Variants in ROBO2 observed in about 807,000 individuals in gnomAD.
ROBO2 encodes roundabout guidance receptor 2.
Under a neutral mutation model 160.8 loss-of-function variants are expected in ROBO2, and 53 were observed. The observed-to-expected ratio is 0.33, with a 90% CI of 0.26 to 0.41. The LOEUF is 0.41. ROBO2 is among the 10% of genes least tolerant of loss of function. ROBO2 has a pLI of 1.00. For missense variants in ROBO2, 1,577 were observed against 1,722.4 expected (o/e 0.92, Z 1.49); for synonymous variants, 664 against 611.7 (o/e 1.09, Z -1.26).
intron 2 of ROBO2, among the ~76,000 whole-genome samples, chr3:77,301,761 T>C (rs541940003): frequency 2.6e-5 from 4 of 152,358 alleles, no homozygotes; most frequent in Admixed American, 2.6e-4. Context: ...TGTAACTCTT[T>C]TACTAAATTC....
intron 2 of ROBO2, among the ~76,000 whole-genome samples, chr3:76,530,397 A>G (rs1043588818): frequency 6.6e-6 from 1 of 152,172 alleles, no homozygotes; most frequent in Non-Finnish European, 1.5e-5. Flanking sequence ...GCAGACAGGC[A>G]GTAGCTCAAT....
At chr3:76,506,331 T>G (rs72900597) in intron 2 of ROBO2, among the ~76,000 whole-genome samples, 6,553 of 152,258 alleles carry the variant, frequency 0.043, 500 homozygotes, top group African/African-American at 0.15. Context: ...CAAGATTGCA[T>G]TTTGACCTCT....
intron 2 of ROBO2, among the ~76,000 whole-genome samples, chr3:76,277,818 A>G (rs1464454228): frequency 2.0e-5 from 3 of 151,936 alleles, no homozygotes; most frequent in Non-Finnish European, 2.9e-5. Flanking sequence ...GTAAAAGTTA[A>G]TACCAACTTT....
At chr3:76,910,314 T>C (rs2148924753) in intron 2 of ROBO2, among the ~76,000 whole-genome samples, 1 of 152,334 alleles carries the variant, frequency 6.6e-6, no homozygotes, top group East Asian at 1.9e-4. Flanking sequence ...ATGAGTCTGT[T>C]GATTTTGCTA....
chr3:76,309,593 A>G (rs1375946742), intron 2 of ROBO2, among the ~76,000 whole-genome samples: 2 of 152,218 alleles, frequency 1.3e-5, no homozygotes, highest in South Asian at 4.1e-4. Context: ...TGAAAGCGGT[A>G]ATTTGTTCCC....
chr3:76,213,108 A>T (rs1255515016), intron 2 of ROBO2, among the ~76,000 whole-genome samples: 1 of 152,120 alleles, frequency 6.6e-6, no homozygotes, highest in Non-Finnish European at 1.5e-5. Flanking sequence ...CACTGTACAG[A>T]GGCATAGGGA....
chr3:75,910,089 G>A (rs1254016784), intron 1 of ROBO2, among the ~76,000 whole-genome samples: 4 of 152,198 alleles, frequency 2.6e-5, no homozygotes, highest in African/African-American at 4.8e-5. Flanking sequence ...AGTTTCCTCC[G>A]TAAATTTGCA....
chr3:75,948,645 A>G (rs559229947), intron 2 of ROBO2, among the ~76,000 whole-genome samples: 1 of 152,192 alleles, frequency 6.6e-6, no homozygotes, highest in South Asian at 2.1e-4. Context: ...CTGCAGGGGA[A>G]TTGCCATACC....
chr3:76,131,517 G>A (rs2071220134), intron 2 of ROBO2, among the ~76,000 whole-genome samples: 1 of 152,106 alleles, frequency 6.6e-6, no homozygotes, highest in African/African-American at 2.4e-5. Flanking sequence ...ATCTCACAGA[G>A]CAAGAGGCTG....
At chr3:76,331,414 C>CT (rs1559776850) in intron 2 of ROBO2, among the ~76,000 whole-genome samples, 2 of 151,986 alleles carry the variant, frequency 1.3e-5, no homozygotes, top group African/African-American at 4.8e-5. Context: ...TTACAAGCTT[C>CT]TTTTTTTATA....
chr3:77,086,876 T>C (rs548724929), intron 1 of ROBO2, among the ~76,000 whole-genome samples: 1 of 152,316 alleles, frequency 6.6e-6, no homozygotes, highest in African/African-American at 2.4e-5. Context: ...AATAAGTTTG[T>C]CTGAAATTTC....
intron 2 of ROBO2, among the ~76,000 whole-genome samples, chr3:76,852,343 T>G (rs2069495149): frequency 6.6e-6 from 1 of 152,208 alleles, no homozygotes; most frequent in African/African-American, 2.4e-5. Flanking sequence ...TCCCCAGATA[T>G]TAAATAAAGT....
At chr3:76,756,961 T>G (rs888859351) in intron 2 of ROBO2, among the ~76,000 whole-genome samples, 1 of 151,854 alleles carries the variant, frequency 6.6e-6, no homozygotes, top group Admixed American at 6.6e-5. Flanking sequence ...AAGAGAGAGC[T>G]GGGCACATAA....
chr3:76,209,841 C>A (rs1703033006), intron 2 of ROBO2, among the ~76,000 whole-genome samples: 2 of 152,102 alleles, frequency 1.3e-5, no homozygotes, highest in Non-Finnish European at 2.9e-5. Context: ...ATTCAGAAGA[C>A]ATTCATATTG....
At chr3:77,332,651 A>G (rs1360747432) in intron 2 of ROBO2, among the ~76,000 whole-genome samples, 1 of 152,216 alleles carries the variant, frequency 6.6e-6, no homozygotes, top group Non-Finnish European at 1.5e-5. Flanking sequence ...ATGTATATTT[A>G]GTACATAAAA....
At chr3:76,249,766 G>T (rs1300833559) in intron 2 of ROBO2, among the ~76,000 whole-genome samples, 3 of 152,104 alleles carry the variant, frequency 2.0e-5, no homozygotes, top group African/African-American at 7.2e-5. Context: ...AATGGAATGA[G>T]AGAGAGGAAT....
At chr3:77,209,818 A>G (rs549410732) in intron 2 of ROBO2, among the ~76,000 whole-genome samples, 109 of 152,272 alleles carry the variant, frequency 7.2e-4, no homozygotes, top group African/African-American at 2.3e-3. Flanking sequence ...ACTTTTAAAT[A>G]CAATTGATTC....
intron 2 of ROBO2, among the ~76,000 whole-genome samples, chr3:76,481,608 C>G (rs1306698323): frequency 2.0e-5 from 3 of 152,154 alleles, no homozygotes; most frequent in East Asian, 3.9e-4. Context: ...AAGTTTGCAT[C>G]AGCATCATCT....
intron 2 of ROBO2, among the ~76,000 whole-genome samples, chr3:76,840,845 A>C (rs1341484955): frequency 6.6e-6 from 1 of 151,804 alleles, no homozygotes; most frequent in East Asian, 1.9e-4. Context: ...TCTAGCTGGA[A>C]CCCTCCCTTT....
Sources: allele counts gnomAD v4.1 joint callset (sites outside exome capture counted in the v4.1 genomes callset), GRCh38; gene constraint gnomAD v4.1.1; transcripts MANE v1.5; gene names NCBI Gene and HGNC (gene_info 2026-07-23, HGNC 2026-07-21).